ACSM1: variants seen among roughly 807,000 people sequenced by gnomAD.
ACSM1 encodes the protein acyl-coenzyme A synthetase ACSM1, mitochondrial.
A neutral mutation model predicts 75.8 loss-of-function variants in ACSM1; 79 were observed. That is an observed-to-expected ratio of 1.04 (90% CI 0.87 to 1.26). ACSM1 has a LOEUF of 1.26. Among genes scored for constraint, ACSM1 ranks in the 50% most tolerant of loss-of-function variants. ACSM1 has a pLI of 0.00. For synonymous variants in ACSM1, 279 were observed against 265.8 expected (o/e 1.05, Z -0.48); for missense variants, 676 against 720.1 (o/e 0.94, Z 0.70).
intron 4 of ACSM1, chr16:20,679,472 A>C (rs1416424673): frequency 6.6e-6 from 1 of 152,236 alleles, no homozygotes; most frequent in Non-Finnish European, 1.5e-5. Context: ...AAAATTTATA[A>C]GCCTAGTTAT....
Position 20,636,758 on chromosome 16 carries a change from C to T in ACSM1, c.1280G>A (p.Ser427Asn). The T allele has an allele frequency of 1.2e-6, 2 of 1,614,056 alleles. No homozygotes were observed. The highest frequency in any genetic ancestry group is 1.7e-6 in the Non-Finnish European group (2 of 1,179,942). ...CATTACCTCATAGCACATGAAGAGG[C>T]TCACAGGCCTGACAGGTTTGATTCT... is the stretch of plus-strand genomic sequence containing the variant. The part of the protein sequence containing the change: ...GIRIKPVRPV[S>N]LFMCYEGDPE... The change falls in exon 10 of 14, where the codon AGC (serine) becomes AAC (asparagine). Residue 427 changes from serine (S) to asparagine (N), a missense_variant. Physicochemically the swap from Ser to Asn is conservative, Grantham distance 46. Transcript: ENST00000520010.
rs546391334 is a variant in ACSM1 at position 20,636,660 on chromosome 16, G to A, written c.1299+79C>T. 175 of 966,818 alleles carry A rather than the reference G, an allele frequency of 1.8e-4. 4 individuals carry two copies. In the South Asian group the frequency reaches 2.4e-3, roughly 13 times the overall value. The allele number at this position is 966,818 out of a possible 1,614,324, so 59.9% of individuals were successfully genotyped here. On this transcript the variant is annotated intron_variant, in intron 10 of 13. Transcript: ENST00000520010. ...CATTGAGTTAGAGCAAATAAAAGAG[G>A]ACTTGAAGAAGCCTCAGGATGCAGA...
intron 3 of ACSM1, among the ~76,000 whole-genome samples, chr16:20,682,929 T>C (rs2079476516): frequency 6.6e-6 from 1 of 152,112 alleles, no homozygotes; most frequent in Non-Finnish European, 1.5e-5. Flanking sequence ...TTTCACCACA[T>C]TGTCCTTTGA....
intron 6 of ACSM1, among the ~76,000 whole-genome samples, chr16:20,667,490 T>C (rs2019639923): frequency 2.0e-5 from 3 of 152,160 alleles, no homozygotes; most frequent in Admixed American, 6.5e-5. Flanking sequence ...ATGGTGATTA[T>C]TAAAAGGTCA....
intron 12 of ACSM1, among the ~76,000 whole-genome samples, chr16:20,624,849 C>T (rs745838671): frequency 2.0e-5 from 3 of 151,948 alleles, no homozygotes; most frequent in Non-Finnish European, 4.4e-5. Flanking sequence ...CGCCCACCCC[C>T]CATTCCACCC....
intron 6 of ACSM1, among the ~76,000 whole-genome samples, chr16:20,664,279 G>A (rs163271): frequency 0.19 from 28,926 of 151,610 alleles, 3,958 homozygotes; most frequent in African/African-American, 0.39. Context: ...AAGTAATGAT[G>A]CCCACAGGCT....
rs182805367 is a variant in ACSM1, at chr16:20,693,119, G to A, written c.-51-1880C>T. Among the ~76,000 whole-genome samples the A allele has an allele frequency of 6.0e-5, 9 of 151,086 alleles. No individual in the cohort carries two copies. The East Asian group carries it at 1.6e-3, about 26-fold the overall frequency. On this transcript the variant is annotated intron_variant, in intron 1 of 13. Transcript: ENST00000520010. ...TGGGAGTCGGAGGTTGCAGTGAGCCGAGATCATGCCACTGCACTGAAGCCT... is the reference window on the plus strand; with the variant it reads ...TGGGAGTCGGAGGTTGCAGTGAGCCAAGATCATGCCACTGCACTGAAGCCT...
rs146842441 is a variant in ACSM1, at chr16:20,661,821, C to G, written c.965G>C (p.Arg322Pro). 2.5e-6 allele frequency: 4 copies of G among 1,609,958 alleles called. No homozygotes were observed. The highest frequency in any genetic ancestry group is 3.4e-6 in the Non-Finnish European group (4 of 1,177,152). Reference protein sequence around the residue: ...NHFWGVSSIYRMILQQDFTSI... With the variant: ...NHFWGVSSIYPMILQQDFTSI... ...GGTGAAATCCTGCTGCAGAATCATT[C>G]GATATATAGATGATACCCCCCAAAA... The change falls in exon 7 of 14, where the codon CGA becomes CCA. Residue 322 changes from arginine to proline, a missense_variant. By Grantham distance (103) the Arg-to-Pro change is moderately radical. Transcript: ENST00000520010.
Position 20,623,424 on chromosome 16 carries a change from GGGAGA to G in ACSM1, c.*57_*61del, listed in dbSNP as rs1487416615. ...CCCCACCCTCGTCCTCACCATAGTGGGGAGACTAAAGTGGCCAGGGATTTGCCTTA... is the reference window on the plus strand; with the variant it reads ...CCCCACCCTCGTCCTCACCATAGTGGCTAAAGTGGCCAGGGATTTGCCTTA... On this transcript the variant is annotated 3_prime_UTR_variant, in exon 14 of 14. Coordinates refer to ENST00000520010, the MANE Select transcript of ACSM1 (RefSeq NM_001318890.3). 2 of 1,446,150 alleles carry G rather than the reference GGGAGA, an allele frequency of 1.4e-6. No individual in the cohort carries two copies. Among genetic ancestry groups the G allele is most frequent in the Non-Finnish European group, 1.9e-6 (2 of 1,028,900 alleles). The allele number at this position is 1,446,150 out of a possible 1,614,324, so 89.6% of individuals were successfully genotyped here. A position where few individuals can be genotyped will look rare whatever the true frequency, so the allele number is the denominator to read the frequency against.
rs371287556 is a variant in ACSM1 at position 20,640,601 on chromosome 16, G to A, written c.993-17C>T. On this transcript the variant is annotated splice_polypyrimidine_tract_variant and intron_variant, in intron 7 of 13. Coordinates refer to ENST00000520010, the MANE Select transcript of ACSM1 (RefSeq NM_001318890.3). ...AACCTGATGCTTAGAGGAAGACAAG[G>A]TGCCAGGCATTGGTGAGCCACCCTG... 2 of 1,614,060 alleles carry A rather than the reference G, an allele frequency of 1.2e-6. No homozygotes were observed.
intron 2 of ACSM1, 141 bp from the exon 3 acceptor site, chr16:20,685,544 A>C: frequency 1.3e-6 from 1 of 789,330 alleles, no homozygotes; most frequent in South Asian, 1.6e-5. Flanking sequence ...TTATACAGCC[A>C]GGCGCAGTGG....
At chr16:20,630,991 C>T (rs540322627) in intron 10 of ACSM1, among the ~76,000 whole-genome samples, 5 of 152,158 alleles carry the variant, frequency 3.3e-5, no homozygotes, top group Non-Finnish European at 7.3e-5. Context: ...ATAAAAAACA[C>T]AGCATATTAA....
At chr16:20,671,480 A>ACACAC (rs766455380) in intron 5 of ACSM1, 51 bp downstream of exon 5, 2 of 1,382,414 alleles carry the variant, frequency 1.4e-6, no homozygotes, top group Admixed American at 2.3e-5. Flanking sequence ...CACACACACA[A>ACACAC]ACTTTGCCCA....
Position 20,683,575 on chromosome 16 carries a change from A to AT in ACSM1, c.404-1113dup, listed in dbSNP as rs1327662703. Among the ~76,000 whole-genome samples the AT allele has an allele frequency of 3.4e-5, 5 of 148,894 alleles. No homozygotes were observed. In the East Asian group the frequency reaches 7.9e-4, roughly 24 times the overall value. On this transcript the variant is annotated intron_variant, in intron 3 of 13. Coordinates refer to ENST00000520010, the MANE Select transcript of ACSM1 (RefSeq NM_001318890.3). ...TTTCAAAATGGCCATGCCTCACCCCATGCTTGGAATGTCCTTCCTTTGTTT... is the reference window on the plus strand; with the variant it reads ...TTTCAAAATGGCCATGCCTCACCCCATTGCTTGGAATGTCCTTCCTTTGTTT...
intron 9 of ACSM1, 155 bp downstream of exon 9, chr16:20,637,216 A>C: frequency 1.3e-6 from 1 of 793,494 alleles, no homozygotes; most frequent in East Asian, 2.4e-5. Flanking sequence ...GCAGTTTTCA[A>C]CTGAGGCCTC....
chr16:20,634,001 TAGAAAC>T (rs1240080560), intron 10 of ACSM1, among the ~76,000 whole-genome samples: 6 of 152,108 alleles, frequency 3.9e-5, no homozygotes, highest in Non-Finnish European at 8.8e-5. Flanking sequence ...ACTACAGTAA[TAGAAAC>T]AGTGTGGTAT....
chr16:20,640,849 G>A lies in ACSM1; in HGVS notation c.993-265C>T, dbSNP rs547116915. On this transcript the variant is annotated intron_variant, in intron 7 of 13. Transcript: ENST00000520010. ...GTTTGGATTAAATTTGGATATCAGTGTAACAAGAGGGAGAACTGTGTGTTT... is the reference window on the plus strand; with the variant it reads ...GTTTGGATTAAATTTGGATATCAGTATAACAAGAGGGAGAACTGTGTGTTT... 2.0e-5 allele frequency among the ~76,000 whole-genome samples: 3 copies of A among 152,304 alleles called. No homozygotes were observed. In the South Asian group the frequency reaches 6.2e-4, roughly 32 times the overall value.
intron 6 of ACSM1, among the ~76,000 whole-genome samples, chr16:20,666,057 C>T (rs990047558): frequency 6.6e-6 from 1 of 152,064 alleles, no homozygotes; most frequent in East Asian, 1.9e-4. Flanking sequence ...AACCATTTCC[C>T]ATGCGAATTG....
At chr16:20,631,264 C>CT (rs1473474178) in intron 10 of ACSM1, among the ~76,000 whole-genome samples, 2 of 152,080 alleles carry the variant, frequency 1.3e-5, no homozygotes, top group Non-Finnish European at 2.9e-5. Flanking sequence ...ACTGGAGTTG[C>CT]TTTTTAAAGG....
Sources: gnomAD v4.1 joint callset for allele counts (sites outside exome capture counted in the v4.1 genomes callset) on GRCh38, gnomAD v4.1.1 for gene constraint, MANE v1.5 for transcripts, NCBI Gene and HGNC (gene_info 2026-07-23, HGNC 2026-07-21) for gene names.